KCNQ5: variants seen among roughly 807,000 people sequenced by gnomAD.
KCNQ5 encodes potassium voltage-gated channel subfamily KQT member 5.
Under a neutral mutation model 98.2 loss-of-function variants are expected in KCNQ5, and 30 were observed. That is an observed-to-expected ratio of 0.31 (90% CI 0.23 to 0.41). KCNQ5 has a LOEUF of 0.41. Ranked by LOEUF, KCNQ5 falls within the 10% of genes least tolerant of loss-of-function variation. KCNQ5 has a pLI of 1.00. For synonymous variants in KCNQ5, 458 were observed against 449.4 expected, an observed-to-expected ratio of 1.02 and a Z score of -0.24; for missense variants, 835 against 1,182.5, an observed-to-expected ratio of 0.71 and a Z score of 4.31.
At chr6:72,897,083 G>A (rs1779282096) in intron 1 of KCNQ5, among the ~76,000 whole-genome samples, 3 of 152,212 alleles carry the variant, frequency 2.0e-5, no homozygotes, top group South Asian at 4.1e-4. Flanking sequence ...ATAGAAAACA[G>A]AACGTATTTG....
At chr6:72,849,547 T>G (rs1316167355) in intron 1 of KCNQ5, among the ~76,000 whole-genome samples, 2 of 152,200 alleles carry the variant, frequency 1.3e-5, no homozygotes, top group African/African-American at 2.4e-5. Flanking sequence ...AGTCATAAAC[T>G]GGTGCCATGT....
At chr6:72,787,420 C>T (rs1773811708) in intron 1 of KCNQ5, among the ~76,000 whole-genome samples, 1 of 152,032 alleles carries the variant, frequency 6.6e-6, no homozygotes, top group African/African-American at 2.4e-5. Flanking sequence ...AAAATGTTTG[C>T]CAAACCCATG....
intron 1 of KCNQ5, among the ~76,000 whole-genome samples, chr6:72,907,816 T>A (rs1168530564): frequency 6.6e-6 from 1 of 152,082 alleles, no homozygotes; most frequent in African/African-American, 2.4e-5. Context: ...CTAAAGACTT[T>A]TTATAAAAGT....
At chr6:72,790,908 GTTGTT>G (rs571164191) in intron 1 of KCNQ5, among the ~76,000 whole-genome samples, 1 of 152,078 alleles carries the variant, frequency 6.6e-6, no homozygotes, top group Admixed American at 6.5e-5. Context: ...TTGTTTGTTT[GTTGTT>G]TTGTTTTGTT....
At chr6:73,190,107 T>G (rs1432487767) in intron 11 of KCNQ5, among the ~76,000 whole-genome samples, 1 of 152,130 alleles carries the variant, frequency 6.6e-6, no homozygotes, top group Non-Finnish European at 1.5e-5. Context: ...ATTTCCATAT[T>G]AATGTACATT....
At position 73,105,303 on chromosome 6, in the gene KCNQ5, G is replaced by T; in HGVS notation, c.965G>T (p.Trp322Leu). Residue 322 changes from tryptophan to leucine, a missense_variant, in exon 6 of 14, where the codon TGG (tryptophan) becomes TTG (leucine). Physicochemically the swap from Trp to Leu is moderately conservative, Grantham distance 61. Transcript: ENST00000370398. The stretch of plus-strand genomic sequence containing the variant: ...TATGGAGACAAAACTCCCCTAACTT[G>T]GCTGGGAAGATTGCTTTCTGCAGGC... ...IGYGDKTPLT[W>L]LGRLLSAGFA... 1 of 1,611,934 alleles carries T rather than the reference G, an allele frequency of 6.2e-7. No homozygotes were observed. Among genetic ancestry groups the T allele is most frequent in the Non-Finnish European group, 8.5e-7 (1 of 1,178,846 alleles).
intron 1 of KCNQ5, among the ~76,000 whole-genome samples, chr6:72,967,333 T>G (rs1253832042): frequency 1.3e-5 from 2 of 152,120 alleles, no homozygotes; most frequent in East Asian, 3.9e-4. Context: ...ATCAGTATAG[T>G]GAAATATAAT....
At chr6:73,048,815 G>A (rs1772086505) in intron 3 of KCNQ5, among the ~76,000 whole-genome samples, 1 of 152,192 alleles carries the variant, frequency 6.6e-6, no homozygotes, top group Non-Finnish European at 1.5e-5. Flanking sequence ...GAATTAGAAT[G>A]TGATGGAAAC....
At chr6:72,817,573 G>T (rs116566483) in intron 1 of KCNQ5, among the ~76,000 whole-genome samples, 1,623 of 152,256 alleles carry the variant, frequency 0.011, 24 homozygotes, top group African/African-American at 0.036. Flanking sequence ...GACATGGAAG[G>T]TTTCCTGATA....
intron 12 of KCNQ5, 124 bp from the exon 13 acceptor site, chr6:73,192,438 TTTC>T: frequency 1.2e-6 from 1 of 803,192 alleles, no homozygotes; most frequent in Non-Finnish European, 1.8e-6. Flanking sequence ...GAACAAGTTC[TTTC>T]TTATTTCATC....
intron 1 of KCNQ5, among the ~76,000 whole-genome samples, chr6:72,910,942 T>G (rs1175753661): frequency 6.6e-6 from 1 of 151,950 alleles, no homozygotes; most frequent in African/African-American, 2.4e-5. Flanking sequence ...GGAGGATAAG[T>G]GAAAGAGAGG....
chr6:73,037,703 T>A (rs1771501941), intron 2 of KCNQ5, among the ~76,000 whole-genome samples: 1 of 152,146 alleles, frequency 6.6e-6, no homozygotes, highest in African/African-American at 2.4e-5. Context: ...CTCTATTCTG[T>A]TCACTGTTCT....
chr6:73,180,743 G>A (rs988036925), intron 11 of KCNQ5, among the ~76,000 whole-genome samples: 27 of 152,152 alleles, frequency 1.8e-4, no homozygotes, highest in Non-Finnish European at 3.5e-4. Flanking sequence ...TAGGACCCAG[G>A]CATTTTTTAA....
chr6:72,896,443 AT>A (rs1779256683), intron 1 of KCNQ5, among the ~76,000 whole-genome samples: 1 of 152,242 alleles, frequency 6.6e-6, no homozygotes, highest in Non-Finnish European at 1.5e-5. Context: ...AAAAAAAAAA[AT>A]ACCTACTTGT....
intron 1 of KCNQ5, among the ~76,000 whole-genome samples, chr6:72,980,320 T>A (rs1369324835): frequency 6.6e-6 from 1 of 152,230 alleles, no homozygotes; most frequent in Non-Finnish European, 1.5e-5. Flanking sequence ...CATGGAATGT[T>A]CTTCCATTTG....
chr6:72,636,730 C>T (rs2098924369), intron 1 of KCNQ5, among the ~76,000 whole-genome samples: 1 of 152,172 alleles, frequency 6.6e-6, no homozygotes, highest in African/African-American at 2.4e-5. Context: ...TAGGGCTTAA[C>T]ATAAATAAGA....
At chr6:72,949,047 T>C (rs1013965929) in intron 1 of KCNQ5, among the ~76,000 whole-genome samples, 2 of 152,228 alleles carry the variant, frequency 1.3e-5, no homozygotes, top group Non-Finnish European at 2.9e-5. Context: ...TTTTTTTATA[T>C]TCATTCAGGA....
rs1016390026 is a variant in KCNQ5 at position 73,087,039 on chromosome 6, A to G, written c.918+9152A>G. 2.6e-5 allele frequency among the ~76,000 whole-genome samples: 4 copies of G among 152,240 alleles called. No homozygotes were observed. The South Asian group carries it at 8.3e-4, about 32-fold the overall frequency. ...AATCAAAATGATCTTAGGTAGGTGG[A>G]GATGGCTTAATTAGTAGCTTAGAAT... On this transcript the variant is annotated intron_variant, in intron 5 of 13. Coordinates refer to ENST00000370398, the MANE Select transcript of KCNQ5 (RefSeq NM_019842.4).
chr6:72,951,632 A>G (rs1232970498), intron 1 of KCNQ5, among the ~76,000 whole-genome samples: 1 of 151,996 alleles, frequency 6.6e-6, no homozygotes, highest in East Asian at 1.9e-4. Context: ...TCCTCCCCTA[A>G]GATACGTAAC....
Sources: gnomAD v4.1 joint callset for allele counts (sites outside exome capture counted in the v4.1 genomes callset) on GRCh38, gnomAD v4.1.1 for gene constraint, MANE v1.5 for transcripts, NCBI Gene and HGNC (gene_info 2026-07-23, HGNC 2026-07-21) for gene names.